Variants in PLEK2 observed in about 807,000 individuals in gnomAD.
PLEK2 encodes pleckstrin-2.
Under a neutral mutation model 43.8 loss-of-function variants are expected in PLEK2, and 29 were observed. The ratio of observed to expected loss-of-function variants is 0.66; its 90% confidence interval spans 0.49 to 0.90. PLEK2 has a LOEUF of 0.90. Ranked by LOEUF, PLEK2 falls within the 40% of genes least tolerant of loss-of-function variation. The pLI, the probability that PLEK2 is intolerant of heterozygous loss-of-function variation, is 0.00. For missense variants in PLEK2, 398 were observed against 448.1 expected (o/e 0.89, Z 1.01); for synonymous variants, 162 against 173.2 (o/e 0.94, Z 0.51).
chr14:67,390,645 G>A lies in PLEK2; in HGVS notation c.855+18C>T, dbSNP rs2085959334. 3 of 1,567,026 alleles carry A rather than the reference G, an allele frequency of 1.9e-6. No homozygotes were observed. The highest frequency in any genetic ancestry group is 3.3e-5 in the Admixed American group (2 of 59,962). ...CATCACAACATGGGACCAACATGGA[G>A]CCAGCATGCGCACTCACTTTGGAAG... is the stretch of plus-strand genomic sequence containing the variant. On this transcript the variant is annotated intron_variant, in intron 7 of 8. Transcript: ENST00000216446.
chr14:67,408,420 A>T (rs1364205044), intron 1 of PLEK2, among the ~76,000 whole-genome samples: 1 of 152,236 alleles, frequency 6.6e-6, no homozygotes, highest in East Asian at 1.9e-4. Flanking sequence ...CCCAAAAAAG[A>T]TACACTGAAG....
At chr14:67,389,546 A>T (rs930157266) in intron 7 of PLEK2, among the ~76,000 whole-genome samples, 1 of 152,118 alleles carries the variant, frequency 6.6e-6, no homozygotes, top group Non-Finnish European at 1.5e-5. Flanking sequence ...CACTGTTTCC[A>T]TCTATGTATG....
intron 1 of PLEK2, among the ~76,000 whole-genome samples, chr14:67,402,995 A>G (rs1398589704): frequency 2.0e-5 from 3 of 152,164 alleles, no homozygotes; most frequent in Admixed American, 2.0e-4. Flanking sequence ...AGGAGCCTCT[A>G]AATTGTTCTG....
rs150639127 is a variant in PLEK2, at chr14:67,391,181, G to A, written c.772-435C>T. ...TGTCAGTCTACACGTGTGCCCACATGTGCAGTAAAACCACTTTCACATTGT... is the reference window on the plus strand; with the variant it reads ...TGTCAGTCTACACGTGTGCCCACATATGCAGTAAAACCACTTTCACATTGT... On this transcript the variant is annotated intron_variant, in intron 6 of 8. Transcript: ENST00000216446. Among the ~76,000 whole-genome samples the A allele has an allele frequency of 3.2e-3, 487 of 152,182 alleles. 4 individuals carry two copies. The highest frequency in any genetic ancestry group is 4.1e-3 in the Non-Finnish European group (278 of 67,986).
In PLEK2 at chr14:67,397,680, C is replaced by T. The variant is rs766593981; in HGVS notation, c.189G>A (p.Leu63=). The change falls in exon 2 of 9, where the codon CTG becomes CTA. Residue 63 remains leucine (L), a synonymous_variant. Transcript: ENST00000216446. ...LDGCTITCPC[L]EYENRPLLIK... ...CACTTACCGGTCGGTTTTCATACTC[C>T]AGGCAGGGGCAGGTGATGGTGCAGC... 6.2e-7 allele frequency: 1 copy of T among 1,611,926 alleles called. No individual in the cohort carries two copies. The highest frequency in any genetic ancestry group is 8.5e-7 in the Non-Finnish European group (1 of 1,179,078).
At chr14:67,391,680 T>A (rs574950936) in intron 6 of PLEK2, among the ~76,000 whole-genome samples, 3 of 152,334 alleles carry the variant, frequency 2.0e-5, no homozygotes, top group African/African-American at 7.2e-5. Context: ...AAATGTCTGC[T>A]ACACTTCCTG....
At chr14:67,387,609 G>A (rs1180051917) in intron 8 of PLEK2, among the ~76,000 whole-genome samples, 153 bp from the exon 9 acceptor site, 5 of 152,176 alleles carry the variant, frequency 3.3e-5, no homozygotes, top group African/African-American at 1.2e-4. Flanking sequence ...CCTATCAGAT[G>A]AGGTCCCCTT....
At chr14:67,410,854 G>T (rs2086110853) in intron 1 of PLEK2, among the ~76,000 whole-genome samples, 1 of 152,100 alleles carries the variant, frequency 6.6e-6, no homozygotes, top group African/African-American at 2.4e-5. Flanking sequence ...TAATGTCATT[G>T]TTCAAATTAC....
chr14:67,398,920 T>C lies in PLEK2; in HGVS notation c.43-1094A>G, dbSNP rs1211738988. Among the ~76,000 whole-genome samples the C allele has an allele frequency of 2.0e-5, 3 of 152,258 alleles. 1 individual carries two copies. The highest frequency in any genetic ancestry group is 4.1e-4 in the South Asian group (2 of 4,830). The stretch of plus-strand genomic sequence containing the variant: ...TACCATTAAATTTCTGTAAAACATA[T>C]TTTTAATGACGATTATGTGGATACA... On this transcript the variant is annotated intron_variant, in intron 1 of 8. Transcript: ENST00000216446.
intron 7 of PLEK2, among the ~76,000 whole-genome samples, chr14:67,389,576 G>A (rs1211939388): frequency 6.6e-6 from 1 of 152,006 alleles, no homozygotes; most frequent in Non-Finnish European, 1.5e-5. Flanking sequence ...ATTTGTGCAT[G>A]TGTACATATA....
At chr14:67,401,058 G>A (rs184338962) in intron 1 of PLEK2, among the ~76,000 whole-genome samples, 1 of 152,004 alleles carries the variant, frequency 6.6e-6, no homozygotes, top group Non-Finnish European at 1.5e-5. Flanking sequence ...TCCAAAATTC[G>A]TATGTTGAAT....
Position 67,397,798 on chromosome 14 carries a change from C to T in PLEK2, c.71G>A (p.Arg24Gln), listed in dbSNP as rs1477500063. The change falls in exon 2 of 9, where the codon CGA becomes CAA. Residue 24 changes from arginine (R) to glutamine (Q), a missense_variant. Coordinates refer to ENST00000216446, the MANE Select transcript of PLEK2 (RefSeq NM_016445.3). Reference protein sequence around the residue: ...RGHIVHNWKARWFILRQNTLV... With the variant: ...RGHIVHNWKAQWFILRQNTLV... ...CGTGTTCTGCCGAAGGATGAACCAT[C>T]GCGCCTTCCAGTTGTGGACAATGTG... 8.7e-6 allele frequency: 14 copies of T among 1,612,232 alleles called. No homozygotes were observed. Among genetic ancestry groups the T allele is most frequent in the Non-Finnish European group, 1.2e-5 (14 of 1,179,190 alleles).
At chr14:67,393,086 G>A in intron 4 of PLEK2, 64 bp downstream of exon 4, 2 of 1,261,132 alleles carry the variant, frequency 1.6e-6, no homozygotes, top group Non-Finnish European at 2.3e-6. Flanking sequence ...CAAGCACACA[G>A]CTGAGCCCTG....
In PLEK2 at chr14:67,392,645, C is replaced by T; in HGVS notation, c.669+17G>A. On this transcript the variant is annotated intron_variant, in intron 5 of 8. Transcript: ENST00000216446. ...ACTTTTGCCCTGGTGGCAAGAAGAACCCACTCCCCAACTTACAAAAGTGTA... is the reference window on the plus strand; with the variant it reads ...ACTTTTGCCCTGGTGGCAAGAAGAATCCACTCCCCAACTTACAAAAGTGTA... 6.3e-7 allele frequency: 1 copy of T among 1,599,346 alleles called. No individual in the cohort carries two copies. The highest frequency in any genetic ancestry group is 2.2e-5 in the East Asian group (1 of 44,580).
chr14:67,401,842 A>T (rs913574249), intron 1 of PLEK2, among the ~76,000 whole-genome samples: 1 of 152,072 alleles, frequency 6.6e-6, no homozygotes, highest in Non-Finnish European at 1.5e-5. Flanking sequence ...ATACAAATAC[A>T]GGCCGGCGCG....
At chr14:67,403,645 A>T (rs2086061920) in intron 1 of PLEK2, among the ~76,000 whole-genome samples, 1 of 152,254 alleles carries the variant, frequency 6.6e-6, no homozygotes, top group South Asian at 2.1e-4. Flanking sequence ...AAAACTGATG[A>T]CAAAAGATGT....
In PLEK2 at chr14:67,387,392, G is replaced by A; in HGVS notation, c.999C>T (p.Tyr333=). 6.2e-7 allele frequency: 1 copy of A among 1,611,082 alleles called. No individual in the cohort carries two copies. The highest frequency in any genetic ancestry group is 1.7e-5 in the Admixed American group (1 of 59,490). ...KVITKDDTHY[Y]IQASSKAERA... is the part of the protein sequence containing the mutation. ...GCTCAGCCTTGCTGCTGGCCTGAAT[G>A]TAATAGTGTGTGTCATCCTTAGTAA... The change falls in exon 9 of 9, where the codon TAC becomes TAT. Residue 333 remains tyrosine (Y), a synonymous_variant. Transcript: ENST00000216446.
intron 1 of PLEK2, among the ~76,000 whole-genome samples, chr14:67,402,274 A>T (rs1478558403): frequency 6.6e-6 from 1 of 152,046 alleles, no homozygotes; most frequent in Non-Finnish European, 1.5e-5. Flanking sequence ...TTTACTTTAA[A>T]TTTTTTTATT....
intron 8 of PLEK2, 32 bp downstream of exon 8, chr14:67,388,192 A>G (rs781642154): frequency 6.9e-7 from 1 of 1,459,196 alleles, no homozygotes; most frequent in Non-Finnish European, 9.6e-7. Context: ...GGCCCCTGAG[A>G]TCTTCAGGCC....
Sources: allele counts gnomAD v4.1 joint callset (sites outside exome capture counted in the v4.1 genomes callset), GRCh38; gene constraint gnomAD v4.1.1; transcripts MANE v1.5; gene names NCBI Gene and HGNC (gene_info 2026-07-23, HGNC 2026-07-21).